CNTN4: variants seen among roughly 807,000 people sequenced by gnomAD.
CNTN4 encodes the protein contactin-4.
Under a neutral mutation model 122.5 loss-of-function variants are expected in CNTN4, and 77 were observed. That is an observed-to-expected ratio of 0.63 (90% CI 0.52 to 0.76). CNTN4 has a LOEUF of 0.76. CNTN4 is among the 30% of genes least tolerant of loss of function. CNTN4 has a pLI of 0.00. For missense variants in CNTN4, 1,256 were observed against 1,259.1 expected, an observed-to-expected ratio of 1.00 and a Z score of 0.04; for synonymous variants, 512 against 447.0, an observed-to-expected ratio of 1.15 and a Z score of -1.83.
intron 4 of CNTN4, among the ~76,000 whole-genome samples, chr3:2,723,830 A>G (rs1169422880): frequency 3.3e-5 from 5 of 152,188 alleles, no homozygotes; most frequent in Non-Finnish European, 7.3e-5. Context: ...TCATAATGCC[A>G]GTAAGTACTT....
At chr3:2,686,307 G>A (rs1270611029) in intron 4 of CNTN4, among the ~76,000 whole-genome samples, 1 of 151,906 alleles carries the variant, frequency 6.6e-6, no homozygotes, top group African/African-American at 2.4e-5. Context: ...CTGCTTTTTG[G>A]ATTAAAAAGC....
chr3:2,444,199 G>T (rs2048537234), intron 3 of CNTN4, among the ~76,000 whole-genome samples: 1 of 121,174 alleles, frequency 8.3e-6, no homozygotes, highest in South Asian at 3.0e-4. Flanking sequence ...TATGAAGCTT[G>T]TATTCTAGTA....
intron 2 of CNTN4, among the ~76,000 whole-genome samples, chr3:2,197,449 T>C (rs1186743217): frequency 6.6e-6 from 1 of 152,246 alleles, no homozygotes; most frequent in Non-Finnish European, 1.5e-5. Flanking sequence ...TGTGCCAGGA[T>C]CATAGTTCAG....
intron 3 of CNTN4, among the ~76,000 whole-genome samples, chr3:2,451,995 C>T (rs1272626826): frequency 6.6e-6 from 1 of 152,152 alleles, no homozygotes; most frequent in East Asian, 1.9e-4. Flanking sequence ...TTCTTAGTGA[C>T]ATTCTTTGAG....
intron 14 of CNTN4, among the ~76,000 whole-genome samples, chr3:3,005,311 T>C (rs1559778207): frequency 6.6e-6 from 1 of 152,210 alleles, no homozygotes; most frequent in Non-Finnish European, 1.5e-5. Context: ...ATGTTTAATT[T>C]CTACTTCCTT....
At chr3:2,320,061 G>A (rs1354154488) in intron 2 of CNTN4, among the ~76,000 whole-genome samples, 1 of 152,154 alleles carries the variant, frequency 6.6e-6, no homozygotes, top group East Asian at 1.9e-4. Context: ...AGGAGAAAGT[G>A]CCTTAGCAAA....
At chr3:2,585,494 G>T (rs1576104744) in intron 4 of CNTN4, among the ~76,000 whole-genome samples, 1 of 152,138 alleles carries the variant, frequency 6.6e-6, no homozygotes, top group Non-Finnish European at 1.5e-5. Context: ...GTACACCATG[G>T]AATACTATGC....
intron 13 of CNTN4, among the ~76,000 whole-genome samples, chr3:2,959,600 C>G (rs919443220): frequency 2.0e-5 from 3 of 151,892 alleles, no homozygotes; most frequent in South Asian, 4.1e-4. Context: ...AGATTAATAT[C>G]TAGCCCAGAG....
intron 3 of CNTN4, among the ~76,000 whole-genome samples, chr3:2,344,642 A>G (rs2044334876): frequency 6.6e-6 from 1 of 152,142 alleles, no homozygotes; most frequent in African/African-American, 2.4e-5. Context: ...ATGGGGTCAG[A>G]CAGGAATGAA....
intron 6 of CNTN4, among the ~76,000 whole-genome samples, chr3:2,786,980 C>T (rs1336030881): frequency 6.6e-6 from 1 of 152,132 alleles, no homozygotes; most frequent in African/African-American, 2.4e-5. Context: ...TCTTGGCACT[C>T]ATTCATGCAA....
chr3:2,729,309 A>G (rs1168589769), intron 4 of CNTN4, among the ~76,000 whole-genome samples: 1 of 152,082 alleles, frequency 6.6e-6, no homozygotes, highest in Non-Finnish European at 1.5e-5. Flanking sequence ...TCACGCCTGT[A>G]ATCCTAGCAC....
At chr3:2,387,681 C>G (rs1575524866) in intron 3 of CNTN4, among the ~76,000 whole-genome samples, 1 of 152,120 alleles carries the variant, frequency 6.6e-6, no homozygotes. Context: ...TTTCTAAGCT[C>G]TTTTCCAAAA....
chr3:2,108,654 T>G (rs1342612353), intron 2 of CNTN4, among the ~76,000 whole-genome samples: 1 of 152,200 alleles, frequency 6.6e-6, no homozygotes, highest in Non-Finnish European at 1.5e-5. Context: ...TGACCTAACT[T>G]TTCTAGGTTA....
At chr3:2,340,710 T>TATATAGAGAGAGAGAGAGAGAG in intron 3 of CNTN4, among the ~76,000 whole-genome samples, 1 of 18,304 alleles carries the variant, frequency 5.5e-5, no homozygotes, top group Admixed American at 1.2e-3. Flanking sequence ...TATATATATA[T>TATATAGAGAGAGAGAGAGAGAG]AGAGAGAGAG....
chr3:2,926,616 G>A (rs1234887507), intron 13 of CNTN4, among the ~76,000 whole-genome samples: 1 of 152,088 alleles, frequency 6.6e-6, no homozygotes, highest in Non-Finnish European at 1.5e-5. Context: ...TAATGCTAAA[G>A]GTCAGGTACT....
Position 2,437,394 on chromosome 3 carries a change from G to A in CNTN4, c.-89+98161G>A, listed in dbSNP as rs145093499. Among the ~76,000 whole-genome samples the A allele has an allele frequency of 2.5e-3, 373 of 152,192 alleles. 5 individuals are homozygous for A. The highest frequency in any genetic ancestry group is 9.5e-3 in the Admixed American group (145 of 15,286). Reference sequence around the variant, plus strand: ...GTTATCTTAATTTTCTTCTTGCCATGTGATGAATGACAGATTTTTACTGCC... The same window carrying A: ...GTTATCTTAATTTTCTTCTTGCCATATGATGAATGACAGATTTTTACTGCC... On this transcript the variant is annotated intron_variant, in intron 3 of 24. Transcript: ENST00000418658.
At chr3:3,019,797 T>TATAC (rs1347478429) in intron 14 of CNTN4, among the ~76,000 whole-genome samples, 58 of 126,322 alleles carry the variant, frequency 4.6e-4, no homozygotes, top group African/African-American at 1.7e-3. Flanking sequence ...TATATATATA[T>TATAC]ACACATGCAT....
At chr3:2,596,077 A>G (rs1442140098) in intron 4 of CNTN4, among the ~76,000 whole-genome samples, 1 of 152,230 alleles carries the variant, frequency 6.6e-6, no homozygotes, top group Non-Finnish European at 1.5e-5. Flanking sequence ...GTGCCTTTAC[A>G]TGAAGGTTTA....
intron 2 of CNTN4, among the ~76,000 whole-genome samples, chr3:2,208,300 G>A (rs1360689430): frequency 1.3e-5 from 2 of 152,144 alleles, no homozygotes; most frequent in Non-Finnish European, 2.9e-5. Context: ...CGTCGTGGAT[G>A]ACTTACAGAG....
Sources: allele counts gnomAD v4.1 joint callset (sites outside exome capture counted in the v4.1 genomes callset), GRCh38; gene constraint gnomAD v4.1.1; transcripts MANE v1.5; gene names NCBI Gene and HGNC (gene_info 2026-07-23, HGNC 2026-07-21).